The following BTRC variants were observed in gnomAD, a reference collection of about 807,000 sequenced individuals.
BTRC encodes the protein beta-transducin repeat containing E3 ubiquitin protein ligase, also known as F-box/WD repeat-containing protein 1A.
BTRC carries 42 observed loss-of-function variants against 85.5 expected under a neutral mutation model. The observed-to-expected ratio is 0.49, with a 90% confidence interval of 0.38 to 0.64. The LOEUF (loss-of-function observed/expected upper bound fraction) is 0.64. BTRC is among the 30% of genes least tolerant of loss of function. BTRC has a pLI of 0.00. For synonymous variants in BTRC, 255 were observed against 263.3 expected (o/e 0.97, Z 0.30); for missense variants, 594 against 743.5 (o/e 0.80, Z 2.34).
chr10:101,437,699 A>G (rs996481675), intron 2 of BTRC, among the ~76,000 whole-genome samples: 3 of 152,138 alleles, frequency 2.0e-5, no homozygotes, highest in African/African-American at 7.2e-5. Context: ...ATGTTTTTGA[A>G]TTGAACAAAG....
intron 4 of BTRC, among the ~76,000 whole-genome samples, chr10:101,485,046 G>C (rs1481983040): frequency 2.0e-5 from 3 of 152,178 alleles, no homozygotes; most frequent in Non-Finnish European, 4.4e-5. Context: ...CACCAAAACG[G>C]ATCAGCAGAT....
At chr10:101,488,270 A>G (rs955544022) in intron 4 of BTRC, among the ~76,000 whole-genome samples, 7 of 152,184 alleles carry the variant, frequency 4.6e-5, no homozygotes, top group African/African-American at 1.4e-4. Context: ...TGTCATATTT[A>G]AATTATATTC....
chr10:101,501,997 G>T (rs1202343775), intron 4 of BTRC, among the ~76,000 whole-genome samples: 1 of 152,118 alleles, frequency 6.6e-6, no homozygotes, highest in Non-Finnish European at 1.5e-5. Flanking sequence ...CCAAAAATCT[G>T]CAATCTCTGG....
intron 1 of BTRC, among the ~76,000 whole-genome samples, chr10:101,391,934 C>T (rs1943245258): frequency 6.6e-6 from 1 of 151,990 alleles, no homozygotes; most frequent in African/African-American, 2.4e-5. Context: ...AGGGCTTGTG[C>T]AAAGAATTAG....
At chr10:101,466,565 A>C (rs1261115070) in intron 3 of BTRC, among the ~76,000 whole-genome samples, 1 of 152,238 alleles carries the variant, frequency 6.6e-6, no homozygotes, top group Non-Finnish European at 1.5e-5. Flanking sequence ...GGGAGGGAGC[A>C]GTAATTCAAG....
rs142110490 is a variant in BTRC, at chr10:101,370,284, G to C, written c.48+16056G>C. 1.3e-4 allele frequency among the ~76,000 whole-genome samples: 20 copies of C among 152,010 alleles called. No individual in the cohort carries two copies. In the East Asian group the frequency reaches 3.7e-3, roughly 28 times the overall value. On this transcript the variant is annotated intron_variant, in intron 1 of 14. Transcript: ENST00000370187. The stretch of plus-strand genomic sequence containing the variant: ...CTACAGGTGCTTGCCACCACGCCTG[G>C]CTAATTTTTTGTAGAGATGGGGTTT...
intron 2 of BTRC, among the ~76,000 whole-genome samples, chr10:101,432,856 C>T (rs1215550571): frequency 6.6e-6 from 1 of 152,146 alleles, no homozygotes; most frequent in Non-Finnish European, 1.5e-5. Context: ...CAGTGTGTGA[C>T]AATACTCACA....
chr10:101,389,277 A>G (rs191288952), intron 1 of BTRC, among the ~76,000 whole-genome samples: 4 of 151,656 alleles, frequency 2.6e-5, no homozygotes, highest in East Asian at 1.9e-4. Context: ...TATCTGTTCT[A>G]CTTCCAAAAT....
intron 2 of BTRC, among the ~76,000 whole-genome samples, chr10:101,455,644 C>A (rs993184071): frequency 6.6e-6 from 1 of 151,984 alleles, no homozygotes; most frequent in Non-Finnish European, 1.5e-5. Context: ...TGTTAAGGGA[C>A]TAGAATTAAC....
intron 1 of BTRC, among the ~76,000 whole-genome samples, chr10:101,411,391 G>T (rs1943774417): frequency 6.6e-6 from 1 of 152,014 alleles, no homozygotes; most frequent in Admixed American, 6.6e-5. Flanking sequence ...TTCTGCTTCT[G>T]CCCATCCCTG....
chr10:101,471,309 G>T (rs1027371201), intron 3 of BTRC, among the ~76,000 whole-genome samples: 7 of 152,152 alleles, frequency 4.6e-5, no homozygotes, highest in Non-Finnish European at 8.8e-5. Context: ...GATCGCTGGA[G>T]CCCACTGAGT....
At chr10:101,524,436 C>A (rs1564825182) in intron 5 of BTRC, among the ~76,000 whole-genome samples, 2 of 152,136 alleles carry the variant, frequency 1.3e-5, no homozygotes, top group African/African-American at 4.8e-5. Flanking sequence ...ATCCACTGAC[C>A]ACTCTATGAG....
intron 3 of BTRC, among the ~76,000 whole-genome samples, chr10:101,467,034 T>G (rs996655051): frequency 6.6e-6 from 1 of 152,140 alleles, no homozygotes; most frequent in African/African-American, 2.4e-5. Flanking sequence ...TAGTGTGTAT[T>G]AACAAAACAA....
intron 1 of BTRC, among the ~76,000 whole-genome samples, chr10:101,357,440 CAAAAAAAAAA>C (rs11294551): frequency 3.5e-5 from 3 of 85,788 alleles, no homozygotes; most frequent in South Asian, 4.3e-4. Flanking sequence ...GACTCTGTCT[CAAAAAAAAAA>C]AAAAAAAAAA....
intron 1 of BTRC, among the ~76,000 whole-genome samples, chr10:101,374,123 C>T (rs183992951): frequency 1.6e-4 from 25 of 152,136 alleles, no homozygotes; most frequent in African/African-American, 5.8e-4. Context: ...TTCTAGATCC[C>T]GGAGGAATCG....
chr10:101,487,375 A>G (rs553345942), intron 4 of BTRC, among the ~76,000 whole-genome samples: 2 of 152,348 alleles, frequency 1.3e-5, no homozygotes, highest in East Asian at 3.9e-4. Flanking sequence ...TATTACCACA[A>G]TAAATACTTA....
intron 1 of BTRC, among the ~76,000 whole-genome samples, chr10:101,379,287 A>G (rs1482471309): frequency 6.6e-6 from 1 of 152,236 alleles, no homozygotes; most frequent in East Asian, 1.9e-4. Flanking sequence ...GCACCTCATC[A>G]ATAAACTACA....
chr10:101,441,687 C>G (rs1019225653), intron 2 of BTRC, among the ~76,000 whole-genome samples: 1 of 152,142 alleles, frequency 6.6e-6, no homozygotes, highest in Middle Eastern at 3.4e-3. Context: ...TGAGACCAGC[C>G]TGGGTAGCAT....
chr10:101,472,275 C>CTGTCTTCTCTTCTCTTCTCTTCTCT, intron 3 of BTRC, among the ~76,000 whole-genome samples: 2 of 114,330 alleles, frequency 1.7e-5, no homozygotes, highest in South Asian at 7.4e-4. Context: ...TTTTCTTTTC[C>CTGTCTTCTCTTCTCTTCTCTTCTCT]TCTCTTCTCT....
Sources: gnomAD v4.1 joint callset for allele counts (sites outside exome capture counted in the v4.1 genomes callset) on GRCh38, gnomAD v4.1.1 for gene constraint, MANE v1.5 for transcripts, NCBI Gene and HGNC (gene_info 2026-07-23, HGNC 2026-07-21) for gene names.